Variants in ATP13A4 observed in about 807,000 individuals in gnomAD.
The protein encoded by ATP13A4 is probable cation-transporting ATPase 13A4.
ATP13A4 carries 114 observed loss-of-function variants against 142.5 expected under a neutral mutation model. The observed-to-expected ratio is 0.80, with a 90% CI of 0.69 to 0.93. The LOEUF (loss-of-function observed/expected upper bound fraction) is 0.93, where lower values mean the gene tolerates loss of function less well. Among genes scored for constraint, ATP13A4 ranks in the 40% least tolerant of loss-of-function variants. ATP13A4 has a pLI of 0.00. For synonymous variants in ATP13A4, 488 were observed against 514.8 expected (o/e 0.95, Z 0.70); for missense variants, 1,392 against 1,454.0 (o/e 0.96, Z 0.69).
intron 25 of ATP13A4, 83 bp from the exon 26 acceptor site, chr3:193,414,833 C>T (rs1445011145): frequency 7.2e-7 from 1 of 1,383,666 alleles, no homozygotes; most frequent in African/African-American, 1.4e-5. Context: ...TTCATTGGCC[C>T]ATACATTTGA....
chr3:193,424,696 G>A (rs1715568082), intron 25 of ATP13A4, among the ~76,000 whole-genome samples: 1 of 149,488 alleles, frequency 6.7e-6, no homozygotes, highest in East Asian at 2.1e-4. Context: ...AAACTTAAAT[G>A]TAAAACTCGA....
chr3:193,545,065 A>G (rs1334446414), intron 1 of ATP13A4, among the ~76,000 whole-genome samples: 1 of 152,228 alleles, frequency 6.6e-6, no homozygotes, highest in Non-Finnish European at 1.5e-5. Context: ...AATAAAGTCA[A>G]TGTGACATGT....
chr3:193,483,944 C>T lies in ATP13A4; in HGVS notation c.800G>A (p.Gly267Glu), dbSNP rs1259918951. Reference protein sequence around the residue: ...SHNSITVSVCGRKAGVQELES... With the variant: ...SHNSITVSVCERKAGVQELES... ...AAAATAATGGAACTTACCTTTTCTCCCACATACAGAGACCGTAATGCTATT... is the reference window on the plus strand; with the variant it reads ...AAAATAATGGAACTTACCTTTTCTCTCACATACAGAGACCGTAATGCTATT... The change falls in exon 8 of 30, where the codon GGG becomes GAG. Residue 267 changes from glycine (G) to glutamate (E), a missense_variant. Physicochemically the swap from Gly to Glu is moderately conservative, Grantham distance 98. Coordinates refer to ENST00000342695, the MANE Select transcript of ATP13A4 (RefSeq NM_032279.4). 1.9e-6 allele frequency: 3 copies of T among 1,598,948 alleles called. No homozygotes were observed. The highest frequency in any genetic ancestry group is 1.7e-5 in the Admixed American group (1 of 59,958).
chr3:193,528,012 C>T (rs940345460), intron 1 of ATP13A4, among the ~76,000 whole-genome samples: 4 of 152,204 alleles, frequency 2.6e-5, no homozygotes, highest in South Asian at 2.1e-4. Flanking sequence ...TCATAACTCT[C>T]GTCCGTTGAG....
At chr3:193,547,259 A>G (rs1237158071) in intron 1 of ATP13A4, among the ~76,000 whole-genome samples, 1 of 152,128 alleles carries the variant, frequency 6.6e-6, no homozygotes, top group Non-Finnish European at 1.5e-5. Flanking sequence ...CTCTCTTCCA[A>G]CCAACTTTGC....
intron 7 of ATP13A4, among the ~76,000 whole-genome samples, chr3:193,486,596 G>A (rs2108660964): frequency 6.6e-6 from 1 of 152,324 alleles, no homozygotes; most frequent in Admixed American, 6.5e-5. Context: ...GTGCAGATTT[G>A]AGGAGAAGAG....
chr3:193,452,567 A>ATTTTTTTTT (rs751029977), intron 17 of ATP13A4, among the ~76,000 whole-genome samples: 1 of 120,802 alleles, frequency 8.3e-6, no homozygotes, highest in Non-Finnish European at 1.7e-5. Flanking sequence ...ACATTGTGGA[A>ATTTTTTTTT]TTTTTTTTTT....
At chr3:193,538,295 GC>G (rs1722692101) in intron 1 of ATP13A4, among the ~76,000 whole-genome samples, 1 of 152,244 alleles carries the variant, frequency 6.6e-6, no homozygotes. Context: ...ACTATTTCCA[GC>G]AAGTGAAACT....
intron 1 of ATP13A4, chr3:193,553,080 A>C (rs1232452826): frequency 6.6e-6 from 1 of 152,220 alleles, no homozygotes. Flanking sequence ...AGGAGTGCAT[A>C]CTAATTGCTG....
intron 3 of ATP13A4, among the ~76,000 whole-genome samples, chr3:193,495,782 A>C (rs1449093617): frequency 6.6e-6 from 1 of 152,152 alleles, no homozygotes; most frequent in African/African-American, 2.4e-5. Context: ...AAAAGAACTT[A>C]AATTGCCCCT....
chr3:193,458,908 T>C lies in ATP13A4; in HGVS notation c.1674+173A>G, dbSNP rs539677540. ...CAATCTCATTATGTAGATGCTATTA[T>C]TAGCTTCATTGCACAGATGAGGAAA... On this transcript the variant is annotated intron_variant, in intron 14 of 29. Coordinates refer to ENST00000342695, the MANE Select transcript of ATP13A4 (RefSeq NM_032279.4). 1.9e-5 allele frequency: 15 copies of C among 806,322 alleles called. No individual in the cohort carries two copies. In the Admixed American group the frequency reaches 2.7e-4, roughly 14 times the overall value. The allele number at this position is 806,322 out of a possible 1,614,324, so 49.9% of individuals were successfully genotyped here.
At chr3:193,419,678 T>A (rs1213546652) in intron 25 of ATP13A4, among the ~76,000 whole-genome samples, 2 of 149,710 alleles carry the variant, frequency 1.3e-5, no homozygotes, top group African/African-American at 4.9e-5. Context: ...GTACTCCACA[T>A]CCCAGGGAAA....
At chr3:193,572,711 T>C (rs1560286961) in intron 2 of ATP13A4, among the ~76,000 whole-genome samples, 1 of 152,146 alleles carries the variant, frequency 6.6e-6, no homozygotes, top group Non-Finnish European at 1.5e-5. Context: ...TTTGTTCATA[T>C]ACCCAGAAAC....
In ATP13A4 at chr3:193,402,859, A is replaced by G. The variant is rs1163785690; in HGVS notation, c.3384T>C (p.Ala1128=). Residue 1128 remains alanine, a synonymous_variant, in exon 30 of 30, where the codon GCT becomes GCC. Transcript: ENST00000342695. ...NFIVSLVAEE[A]VIENRALWMM... is the part of the protein sequence containing the mutation. ...TCCACAGGGCTCGATTTTCAATAAC[A>G]GCCTCCTGCAAAATAAAATAATTAC... 2 of 1,613,914 alleles carry G rather than the reference A, an allele frequency of 1.2e-6. No individual in the cohort carries two copies. Among genetic ancestry groups the G allele is most frequent in the Non-Finnish European group, 8.5e-7 (1 of 1,179,882 alleles).
chr3:193,437,374 T>A (rs991299201), intron 23 of ATP13A4, among the ~76,000 whole-genome samples: 1 of 152,162 alleles, frequency 6.6e-6, no homozygotes, highest in African/African-American at 2.4e-5. Flanking sequence ...CTTATCTCCC[T>A]TAGTTTCTGG....
intron 25 of ATP13A4, among the ~76,000 whole-genome samples, chr3:193,432,641 G>GA (rs1560182510): frequency 1.3e-5 from 2 of 151,982 alleles, no homozygotes; most frequent in Non-Finnish European, 2.9e-5. Flanking sequence ...AAGCCCATCT[G>GA]AAAAGCCTAT....
intron 2 of ATP13A4, among the ~76,000 whole-genome samples, chr3:193,505,272 G>C (rs949393091): frequency 1.3e-5 from 2 of 152,104 alleles, no homozygotes; most frequent in Non-Finnish European, 2.9e-5. Flanking sequence ...CTGAAATCAA[G>C]CTGTCACCCT....
chr3:193,467,617 T>C (rs1464984922), intron 9 of ATP13A4, 131 bp from the exon 10 acceptor site: 10 of 878,042 alleles, frequency 1.1e-5, no homozygotes, highest in East Asian at 7.3e-5. Flanking sequence ...ACCCTAGGTA[T>C]TGGGGATACA....
In ATP13A4 at chr3:193,587,782, A is replaced by G. The variant is rs59634647; in HGVS notation, n.91+5239T>C. ...ACTGAATGTAATATATTTAGTCTTA[A>G]AAATATAAACCATAATATACAAAAA... On this transcript the variant is annotated intron_variant and non_coding_transcript_variant, in intron 1 of 3. Coordinates refer to the ATP13A4 transcript ENST00000489140. Among the ~76,000 whole-genome samples the G allele has an allele frequency of 6.0e-3, 909 of 152,268 alleles. 11 individuals carry two copies. The highest frequency in any genetic ancestry group is 0.02 in the African/African-American group (841 of 41,538).
Sources: gnomAD v4.1 joint callset for allele counts (sites outside exome capture counted in the v4.1 genomes callset) on GRCh38, gnomAD v4.1.1 for gene constraint, MANE v1.5 for transcripts, NCBI Gene and HGNC (gene_info 2026-07-23, HGNC 2026-07-21) for gene names.